EPN3: variants seen among roughly 807,000 people sequenced by gnomAD.
The protein encoded by EPN3 is epsin-3.
Under a neutral mutation model 55.5 loss-of-function variants are expected in EPN3, and 56 were observed. The observed-to-expected ratio is 1.01, with a 90% confidence interval of 0.81 to 1.26. The LOEUF (loss-of-function observed/expected upper bound fraction) is 1.26, where lower values mean the gene tolerates loss of function less well. EPN3 is among the 50% of genes most tolerant of loss of function. The pLI is 0.00. For missense variants in EPN3, 927 were observed against 853.4 expected, an observed-to-expected ratio of 1.09 and a Z score of -1.07; for synonymous variants, 449 against 375.2, an observed-to-expected ratio of 1.20 and a Z score of -2.27.
intron 4 of EPN3, 90 bp downstream of exon 4, chr17:50,539,054 C>T (rs952067252): frequency 8.5e-6 from 13 of 1,535,926 alleles, no homozygotes; most frequent in Middle Eastern, 2.4e-4. Context: ...CCGCTGTACC[C>T]GGTGGCCCTG....
intron 1 of EPN3, 138 bp from the exon 2 acceptor site, chr17:50,536,283 G>A: frequency 1.7e-6 from 1 of 578,766 alleles, no homozygotes; most frequent in Non-Finnish European, 2.8e-6. Context: ...TGAATTGTAA[G>A]TGAAATAAGA....
At chr17:50,541,399 C>T (rs1204840469) in intron 8 of EPN3, 65 bp from the exon 9 acceptor site, 3 of 1,606,980 alleles carry the variant, frequency 1.9e-6, no homozygotes, top group Non-Finnish European at 2.5e-6. Flanking sequence ...AGCCTCTGTC[C>T]TCTTCCTCCC....
intron 9 of EPN3, 69 bp downstream of exon 9, chr17:50,541,763 C>T: frequency 1.2e-6 from 2 of 1,606,546 alleles, no homozygotes; most frequent in Non-Finnish European, 1.7e-6. Flanking sequence ...CCGGAGGAGC[C>T]CACTCTTCTT....
Position 50,542,333 on chromosome 17 carries a change from A to G in EPN3, c.*176A>G. On this transcript the variant is annotated 3_prime_UTR_variant, in exon 10 of 10. Coordinates refer to ENST00000268933, the MANE Select transcript of EPN3 (RefSeq NM_017957.3). The stretch of plus-strand genomic sequence containing the variant: ...CCACGGCCCGGGAGCTAGAAACTGA[A>G]CGCCCGCATAATAAAGACTGGAACC... The G allele has an allele frequency of 1.7e-6, 1 of 592,056 alleles. No homozygotes were observed. Among genetic ancestry groups the G allele is most frequent in the Non-Finnish European group, 2.6e-6 (1 of 379,872 alleles). 36.7% of individuals were successfully genotyped at this position (592,056 alleles called of 1,614,324 possible).
At chr17:50,533,124 T>G (rs999771164) in intron 1 of EPN3, 139 bp downstream of exon 1, 5 of 450,684 alleles carry the variant, frequency 1.1e-5, no homozygotes, top group Non-Finnish European at 1.7e-5. Flanking sequence ...ACCTAAAGGC[T>G]TCTTTCCTGC....
chr17:50,537,105 GTCC>G lies in EPN3; in HGVS notation c.554_556del (p.Ser185del), dbSNP rs755704803. On this transcript the variant is annotated inframe_deletion, in exon 2 of 10. Coordinates refer to ENST00000268933, the MANE Select transcript of EPN3 (RefSeq NM_017957.3). ...ACTACAGCCGCTCCCGGGGCTCCCC[GTCC>G]TCCTACAACTGTGAGTAAGCCCCGG... The G allele has an allele frequency of 6.2e-7, 1 of 1,602,256 alleles. No homozygotes were observed. Among genetic ancestry groups the G allele is most frequent in the East Asian group, 2.2e-5 (1 of 44,638 alleles).
intron 3 of EPN3, chr17:50,538,625 C>G (rs989610809): frequency 1.6e-5 from 7 of 446,296 alleles, no homozygotes; most frequent in Non-Finnish European, 2.4e-5. Context: ...CAGGAAGCAG[C>G]TGGGCCTCAC....
chr17:50,537,223 T>C (rs2034777759), intron 2 of EPN3, 105 bp downstream of exon 2: 2 of 1,199,930 alleles, frequency 1.7e-6, no homozygotes, highest in South Asian at 1.6e-5. Flanking sequence ...CGAGGGGTGT[T>C]ATGAAGATTC....
At chr17:50,538,523 C>A (rs1036487757) in intron 3 of EPN3, 4 of 434,720 alleles carry the variant, frequency 9.2e-6, no homozygotes, top group Non-Finnish European at 1.6e-5. Flanking sequence ...TGCTTCCCAC[C>A]CCCGCCCACC....
In EPN3 at chr17:50,542,250, G is replaced by C; in HGVS notation, c.*93G>C. The C allele has an allele frequency of 7.6e-7, 1 of 1,313,146 alleles. No homozygotes were observed. Among genetic ancestry groups the C allele is most frequent in the South Asian group, 1.7e-5 (1 of 60,286 alleles). The allele number at this position is 1,313,146 out of a possible 1,614,324, so 81.3% of individuals were successfully genotyped here. On this transcript the variant is annotated 3_prime_UTR_variant, in exon 10 of 10. Transcript: ENST00000268933. ...GGCTGGGCGGGGCGCCGGTGCTAGT[G>C]GAACGCCGAGCCAGTGGCGGCTGGT...
intron 3 of EPN3, 136 bp downstream of exon 3, chr17:50,538,333 T>C (rs1453258264): frequency 4.6e-6 from 3 of 647,122 alleles, no homozygotes; most frequent in Admixed American, 2.9e-5. Context: ...CAAGACCCAT[T>C]ATCTCTGTCG....
intron 1 of EPN3, 174 bp from the exon 2 acceptor site, chr17:50,536,247 G>A (rs1026576612): frequency 1.2e-5 from 5 of 406,168 alleles, no homozygotes; most frequent in South Asian, 3.0e-5. Flanking sequence ...ATAGATAGAT[G>A]AGCATGCAAA....
chr17:50,534,038 C>T (rs962971575), intron 1 of EPN3, among the ~76,000 whole-genome samples: 1 of 152,154 alleles, frequency 6.6e-6, no homozygotes, highest in Non-Finnish European at 1.5e-5. Flanking sequence ...GCGCTCCCAG[C>T]TGCTCCCTCC....
intron 1 of EPN3, chr17:50,534,357 C>A (rs1051954674): frequency 2.1e-6 from 2 of 962,290 alleles, no homozygotes; most frequent in Admixed American, 1.2e-4. Context: ...CTGGTGCCCC[C>A]ACACAGGCCA....
chr17:50,539,556 C>T (rs1343135647), intron 5 of EPN3, among the ~76,000 whole-genome samples: 1 of 152,190 alleles, frequency 6.6e-6, no homozygotes, highest in Non-Finnish European at 1.5e-5. Context: ...TCTGGATTTG[C>T]TGCCACTTAC....
intron 5 of EPN3, among the ~76,000 whole-genome samples, chr17:50,540,010 C>T (rs2034822679): frequency 6.6e-6 from 1 of 152,218 alleles, no homozygotes; most frequent in African/African-American, 2.4e-5. Context: ...CTGGCTCATC[C>T]ATAAAATGGG....
At chr17:50,537,328 A>C (rs2034779822) in intron 2 of EPN3, 2 of 596,592 alleles carry the variant, frequency 3.4e-6, no homozygotes, top group Middle Eastern at 4.4e-4. Flanking sequence ...TAGATTCATT[A>C]TCATTCGTTA....
At chr17:50,540,380 C>T (rs2144037696) in intron 6 of EPN3, 46 bp downstream of exon 6, 1 of 1,547,894 alleles carries the variant, frequency 6.5e-7, no homozygotes, top group South Asian at 1.1e-5. Flanking sequence ...GCCCAAGAGC[C>T]TCCTCCTTCC....
rs143715207 is a variant in EPN3 at position 50,536,926 on chromosome 17, C to T, written c.370C>T (p.Arg124Cys). Residue 124 changes from arginine to cysteine, a missense_variant, in exon 2 of 10, where the codon CGC becomes TGC. Physicochemically the swap from Arg to Cys is radical, Grantham distance 180. Coordinates refer to ENST00000268933, the MANE Select transcript of EPN3 (RefSeq NM_017957.3). Reference sequence around the variant, plus strand: ...CGGCAAGGACCAGGGCGTCAACGTGCGCGAGAAGGTCAAGCAGGTGATGGC... The same window carrying T: ...CGGCAAGGACCAGGGCGTCAACGTGTGCGAGAAGGTCAAGCAGGTGATGGC... Reference protein sequence around the residue: ...RDGKDQGVNVREKVKQVMALL... With the variant: ...RDGKDQGVNVCEKVKQVMALL... The T allele has an allele frequency of 7.4e-6, 12 of 1,614,010 alleles. No homozygotes were observed. Among genetic ancestry groups the T allele is most frequent in the Admixed American group, 5.0e-5 (3 of 60,014 alleles).
Sources: allele counts gnomAD v4.1 joint callset (sites outside exome capture counted in the v4.1 genomes callset), GRCh38; gene constraint gnomAD v4.1.1; transcripts MANE v1.5; gene names NCBI Gene and HGNC (gene_info 2026-07-23, HGNC 2026-07-21).